Variants in MEF2A observed in about 807,000 individuals in gnomAD.
MEF2A encodes myocyte-specific enhancer factor 2A.
MEF2A carries 28 observed loss-of-function variants against 55.8 expected under a neutral mutation model. The observed-to-expected ratio is 0.50, with a 90% CI of 0.37 to 0.69. The LOEUF (loss-of-function observed/expected upper bound fraction) is 0.69. Among genes scored for constraint, MEF2A ranks in the 30% least tolerant of loss-of-function variants. MEF2A has a pLI of 0.00. For synonymous variants in MEF2A, 239 were observed against 227.1 expected (o/e 1.05, Z -0.47); for missense variants, 528 against 626.2 (o/e 0.84, Z 1.67).
chr15:99,702,884 C>T (rs1003995551), intron 8 of MEF2A, among the ~76,000 whole-genome samples: 5 of 152,096 alleles, frequency 3.3e-5, no homozygotes, highest in Admixed American at 6.6e-5. Flanking sequence ...CTAGCTCCTG[C>T]GGGAAATAAA....
chr15:99,567,457 T>C (rs951943330), intron 1 of MEF2A, among the ~76,000 whole-genome samples: 1 of 152,234 alleles, frequency 6.6e-6, no homozygotes, highest in African/African-American at 2.4e-5. Flanking sequence ...CTAAGTACTC[T>C]AGTTGTCAGT....
intron 10 of MEF2A, among the ~76,000 whole-genome samples, chr15:99,708,039 G>A (rs2058233923): frequency 6.6e-6 from 1 of 152,180 alleles, no homozygotes; most frequent in Admixed American, 6.5e-5. Flanking sequence ...TAGGGATTGT[G>A]AATCATAGCC....
intron 4 of MEF2A, among the ~76,000 whole-genome samples, chr15:99,666,262 AAAAAG>A (rs1206725645): frequency 2.0e-5 from 3 of 152,192 alleles, no homozygotes; most frequent in African/African-American, 7.2e-5. Context: ...CAGCCATAAA[AAAAAG>A]AATGAGTTCA....
Position 99,712,405 on chromosome 15 carries a change from A to T in MEF2A, c.1152A>T (p.Leu384Phe). Residue 384 changes from leucine to phenylalanine, a missense_variant, in exon 12 of 12, where the codon TTA becomes TTT. Leu to Phe is a conservative substitution (Grantham distance 22). Around this residue, in one of 2 missense-constraint regions of MEF2A, gnomAD observed 450 missense variants for 475.3 expected, o/e 0.95. Coordinates refer to ENST00000557942, the MANE Select transcript of MEF2A (RefSeq NM_001319206.4). The surrounding 1 kb of genome is among the most constrained non-coding windows in gnomAD (Gnocchi z 4.1). ...TTTCCTTCAGTGCTGGAGGGCAGTTATCTCAGGGTTCCAATTTATCCATTA... is the reference window on the plus strand; with the variant it reads ...TTTCCTTCAGTGCTGGAGGGCAGTTTTCTCAGGGTTCCAATTTATCCATTA... ...ALSSLVAGGQ[L>F]SQGSNLSINT... The T allele has an allele frequency of 1.3e-6, 2 of 1,538,292 alleles. No individual in the cohort carries two copies. The highest frequency in any genetic ancestry group is 1.8e-6 in the Non-Finnish European group (2 of 1,136,596).
At chr15:99,624,603 G>T (rs947642577) in intron 2 of MEF2A, among the ~76,000 whole-genome samples, 3 of 152,146 alleles carry the variant, frequency 2.0e-5, no homozygotes, top group African/African-American at 7.2e-5. Flanking sequence ...TTGAAATCAG[G>T]TGTGAGTCCT....
chr15:99,570,843 G>A (rs1429538417), intron 1 of MEF2A, among the ~76,000 whole-genome samples: 1 of 151,770 alleles, frequency 6.6e-6, no homozygotes, highest in African/African-American at 2.4e-5. Context: ...AGGCGTATGA[G>A]ATCAATAGAG....
intron 7 of MEF2A, among the ~76,000 whole-genome samples, chr15:99,676,377 A>G (rs534997462): frequency 6.6e-6 from 1 of 151,180 alleles, no homozygotes; most frequent in South Asian, 2.1e-4. Flanking sequence ...GTATGCCTAC[A>G]TACTGTTTTT....
intron 7 of MEF2A, among the ~76,000 whole-genome samples, chr15:99,681,386 G>A (rs1231903226): frequency 6.6e-6 from 1 of 152,202 alleles, no homozygotes; most frequent in East Asian, 1.9e-4. Flanking sequence ...AGAACAAGCT[G>A]AGTTGAGATG....
intron 6 of MEF2A, 35 bp downstream of exon 6, chr15:99,674,647 TAAAG>T (rs2051564602): frequency 6.5e-7 from 1 of 1,540,030 alleles, no homozygotes; most frequent in African/African-American, 1.4e-5. Flanking sequence ...GGTTCTTTAA[TAAAG>T]AGGGTGAAAA....
At chr15:99,650,419 G>T (rs1407366844) in intron 4 of MEF2A, among the ~76,000 whole-genome samples, 1 of 152,196 alleles carries the variant, frequency 6.6e-6, no homozygotes. Context: ...CAGAAAACTA[G>T]TGAGGATAAT....
intron 1 of MEF2A, among the ~76,000 whole-genome samples, chr15:99,588,765 G>GT (rs970905417): frequency 1.3e-3 from 191 of 142,852 alleles, no homozygotes; most frequent in East Asian, 8.6e-3. Flanking sequence ...TTTTGTTTTT[G>GT]TTTTTTTTTT....
intron 5 of MEF2A, among the ~76,000 whole-genome samples, chr15:99,673,821 T>G (rs1203671863): frequency 6.6e-6 from 1 of 151,974 alleles, no homozygotes; most frequent in African/African-American, 2.4e-5. Flanking sequence ...CTTTGCATTT[T>G]CATTAAACTC....
intron 7 of MEF2A, chr15:99,681,924 A>G (rs969208171): frequency 7.9e-5 from 12 of 152,316 alleles, no homozygotes; most frequent in African/African-American, 2.2e-4. Context: ...TCTTTGTACA[A>G]ATGACATAAT....
intron 2 of MEF2A, among the ~76,000 whole-genome samples, chr15:99,615,951 T>G (rs2040119075): frequency 6.6e-6 from 1 of 152,180 alleles, no homozygotes; most frequent in African/African-American, 2.4e-5. Flanking sequence ...AGCTATTTAG[T>G]GGAACTTGGA....
chr15:99,698,376 AAAG>A (rs1354057494), intron 8 of MEF2A, among the ~76,000 whole-genome samples: 4 of 152,250 alleles, frequency 2.6e-5, no homozygotes, highest in Non-Finnish European at 5.9e-5. Context: ...CATACTTCAA[AAAG>A]AAGATACATG....
At chr15:99,690,479 A>G (rs370962615) in intron 8 of MEF2A, 51 bp downstream of exon 8, 23 of 1,467,834 alleles carry the variant, frequency 1.6e-5, no homozygotes, top group Admixed American at 2.0e-5. Flanking sequence ...TATTTTATAC[A>G]TAGTCAATCT....
At chr15:99,675,218 A>T (rs1567405773) in intron 6 of MEF2A, among the ~76,000 whole-genome samples, 181 bp from the exon 7 acceptor site, 2 of 152,194 alleles carry the variant, frequency 1.3e-5, no homozygotes, top group African/African-American at 4.8e-5. Flanking sequence ...CATATATATG[A>T]GATATAATAA....
At chr15:99,702,427 T>C (rs1447668341) in intron 8 of MEF2A, among the ~76,000 whole-genome samples, 1 of 134,946 alleles carries the variant, frequency 7.4e-6, no homozygotes, top group Non-Finnish European at 1.7e-5. Context: ...GCAAAAATGT[T>C]TCTTTTTTTT....
intron 5 of MEF2A, among the ~76,000 whole-genome samples, chr15:99,673,347 T>C (rs1188534796): frequency 6.6e-6 from 1 of 152,202 alleles, no homozygotes; most frequent in Non-Finnish European, 1.5e-5. Flanking sequence ...TGCAAAGATA[T>C]CGCACAAATA....
Sources: gnomAD v4.1 joint callset for allele counts (sites outside exome capture counted in the v4.1 genomes callset) on GRCh38, gnomAD v4.1.1 for gene constraint, gnomAD v4.1.1 regional missense constraint, Gnocchi (gnomAD v3.1) non-coding constraint, MANE v1.5 for transcripts, NCBI Gene and HGNC (gene_info 2026-07-23, HGNC 2026-07-21) for gene names.